The following TNKS variants were observed in gnomAD, a reference collection of about 807,000 sequenced individuals.
TNKS encodes the protein tankyrase.
In TNKS, 72 loss-of-function variants were observed where a neutral mutation model predicts 135.8. That is an observed-to-expected ratio of 0.53 (90% CI 0.44 to 0.64). The LOEUF (loss-of-function observed/expected upper bound fraction) is 0.64, where lower values mean the gene tolerates loss of function less well. TNKS is among the 30% of genes least tolerant of loss of function. The probability of loss-of-function intolerance (pLI) is 0.00; values close to 1 mark genes in which losing one functional copy is unlikely to be tolerated. For synonymous variants in TNKS, 849 were observed against 649.3 expected, an observed-to-expected ratio of 1.31 and a Z score of -4.68; for missense variants, 1,769 against 1,674.0, an observed-to-expected ratio of 1.06 and a Z score of -0.99.
chr8:9,593,727 T>G (rs905796433), intron 2 of TNKS, among the ~76,000 whole-genome samples: 3 of 152,146 alleles, frequency 2.0e-5, no homozygotes, highest in Non-Finnish European at 4.4e-5. Context: ...TTTAAAAAAT[T>G]ATCTGACCAC....
At chr8:9,732,680 G>T (rs1259094940) in intron 14 of TNKS, among the ~76,000 whole-genome samples, 1 of 151,050 alleles carries the variant, frequency 6.6e-6, no homozygotes, top group African/African-American at 2.4e-5. Flanking sequence ...GCATCTTTTT[G>T]TCCTTTTAGA....
At chr8:9,630,054 A>T (rs4380943) in intron 3 of TNKS, among the ~76,000 whole-genome samples, 130,440 of 152,126 alleles carry the variant, frequency 0.86, 56,547 homozygotes, top group Non-Finnish European at 0.92. Context: ...TGACCTCTCA[A>T]ATGGGCTAGT....
At chr8:9,667,726 A>G (rs969660283) in intron 3 of TNKS, among the ~76,000 whole-genome samples, 1 of 152,056 alleles carries the variant, frequency 6.6e-6, no homozygotes, top group Non-Finnish European at 1.5e-5. Flanking sequence ...CACACACTTC[A>G]GTTATTTTTT....
chr8:9,557,225 G>C (rs1484574870), intron 1 of TNKS: 1 of 152,398 alleles, frequency 6.6e-6, no homozygotes, highest in African/African-American at 2.4e-5. Context: ...CTTTGATGTT[G>C]TGGCCACTAT....
intron 3 of TNKS, among the ~76,000 whole-genome samples, chr8:9,628,834 T>G (rs989197390): frequency 2.6e-5 from 4 of 152,126 alleles, no homozygotes; most frequent in African/African-American, 9.7e-5. Flanking sequence ...AACACAGAAT[T>G]CTTTATCTCC....
At chr8:9,574,050 C>A (rs939291348) in intron 1 of TNKS, among the ~76,000 whole-genome samples, 4 of 152,090 alleles carry the variant, frequency 2.6e-5, no homozygotes. Flanking sequence ...CAACTCTTTG[C>A]TATTAGAATA....
At chr8:9,740,643 C>T (rs114967461) in intron 17 of TNKS, among the ~76,000 whole-genome samples, 2 of 152,060 alleles carry the variant, frequency 1.3e-5, no homozygotes, top group African/African-American at 2.4e-5. Flanking sequence ...CCTCTTGAAA[C>T]TACAGTATTT....
intron 1 of TNKS, among the ~76,000 whole-genome samples, chr8:9,578,597 A>C (rs1798047352): frequency 6.6e-6 from 1 of 152,228 alleles, no homozygotes; most frequent in African/African-American, 2.4e-5. Context: ...GGAATGAATG[A>C]ATTTCTATAG....
rs2128786759 is a variant in TNKS, at chr8:9,659,939, T to C, written c.995-20012T>C. Among the ~76,000 whole-genome samples, 4 of 152,244 alleles carry C rather than the reference T, an allele frequency of 2.6e-5. 1 individual carries two copies. The Middle Eastern group carries it at 0.014, about 518-fold the overall frequency. ...GATCCCACAGAAATACAAATTACTA[T>C]CAGAGAATACTATAAACACCTCTAT... On this transcript the variant is annotated intron_variant, in intron 3 of 26. Coordinates refer to ENST00000310430, the MANE Select transcript of TNKS (RefSeq NM_003747.3).
At chr8:9,603,253 A>T (rs1331260607) in intron 2 of TNKS, among the ~76,000 whole-genome samples, 1 of 152,082 alleles carries the variant, frequency 6.6e-6, no homozygotes, top group Non-Finnish European at 1.5e-5. Flanking sequence ...GGTTTTCACC[A>T]TGTTGACCAG....
At chr8:9,647,791 G>A (rs906977800) in intron 3 of TNKS, among the ~76,000 whole-genome samples, 40 of 152,192 alleles carry the variant, frequency 2.6e-4, no homozygotes, top group Middle Eastern at 3.4e-3. Flanking sequence ...CTTAATGAAC[G>A]ACATAAGTTC....
At chr8:9,635,689 A>G (rs1800483404) in intron 3 of TNKS, among the ~76,000 whole-genome samples, 2 of 152,222 alleles carry the variant, frequency 1.3e-5, no homozygotes, top group South Asian at 2.1e-4. Flanking sequence ...ATACCTGAGA[A>G]GGTCACAACA....
At chr8:9,661,428 C>T (rs1411156143) in intron 3 of TNKS, among the ~76,000 whole-genome samples, 2 of 152,134 alleles carry the variant, frequency 1.3e-5, no homozygotes, top group Non-Finnish European at 2.9e-5. Flanking sequence ...GAAATAATGC[C>T]GCATATCTAC....
rs560653072 is a variant in TNKS, at chr8:9,669,702, A to T, written c.995-10249A>T. On this transcript the variant is annotated intron_variant, in intron 3 of 26. Transcript: ENST00000310430. ...ATATTACCACGGATTCAGACTTCAC[A>T]TATAGAGAAATGCTCATTAATTTGG... Among the ~76,000 whole-genome samples the T allele has an allele frequency of 2.6e-5, 4 of 152,316 alleles. No individual in the cohort carries two copies. In the East Asian group the frequency reaches 7.7e-4, roughly 29 times the overall value.
chr8:9,559,521 T>C (rs1797239086), intron 1 of TNKS, among the ~76,000 whole-genome samples: 1 of 152,154 alleles, frequency 6.6e-6, no homozygotes, highest in Admixed American at 6.5e-5. Flanking sequence ...TTGGGGGCTT[T>C]AGTGTACAGA....
intron 17 of TNKS, among the ~76,000 whole-genome samples, chr8:9,746,867 C>T (rs1585409821): frequency 3.5e-5 from 5 of 143,140 alleles, no homozygotes; most frequent in African/African-American, 1.4e-4. Context: ...CTGAGAGTTT[C>T]ATACCTACTT....
chr8:9,751,776 A>C lies in TNKS; in HGVS notation c.3000A>C (p.Ala1000=). The part of the protein sequence containing the change: ...SSIDNLTGPL[A]ELAVGGASNA... ...TAGACAACCTCACTGGCCCTTTAGC[A>C]GAGTTGGCCGTAGGAGGAGCCTCCA... is the stretch of plus-strand genomic sequence containing the variant. The change falls in exon 19 of 27, where the codon GCA becomes GCC. Residue 1000 remains alanine, a synonymous_variant. Transcript: ENST00000310430. 6.2e-7 allele frequency: 1 copy of C among 1,614,134 alleles called. No homozygotes were observed. The highest frequency in any genetic ancestry group is 2.2e-5 in the East Asian group (1 of 44,872).
At position 9,598,847 on chromosome 8, in the gene TNKS, C is replaced by T. The variant is rs923715646; in HGVS notation, c.899-16735C>T. ...TGAATTGGTCTTCATGTTTTACACA[C>T]ATAAGAAATTTATCTGGAATGCTAG... On this transcript the variant is annotated intron_variant, in intron 2 of 26. Transcript: ENST00000310430. Among the ~76,000 whole-genome samples the T allele has an allele frequency of 2.5e-4, 33 of 133,246 alleles. No homozygotes were observed. In the East Asian group the frequency reaches 3.6e-3, roughly 14 times the overall value. 87.4% of individuals were successfully genotyped at this position (133,246 alleles called of 152,430 possible).
At chr8:9,578,743 T>C (rs867602992) in intron 1 of TNKS, among the ~76,000 whole-genome samples, 14 of 152,304 alleles carry the variant, frequency 9.2e-5, no homozygotes, top group South Asian at 6.2e-4. Flanking sequence ...TTATTTAAGA[T>C]GCCATTTTGT....
Sources: allele counts gnomAD v4.1 joint callset (sites outside exome capture counted in the v4.1 genomes callset), GRCh38; gene constraint gnomAD v4.1.1; transcripts MANE v1.5; gene names NCBI Gene and HGNC (gene_info 2026-07-23, HGNC 2026-07-21).